The following ARC variants were observed in gnomAD, a reference collection of about 807,000 sequenced individuals.
ARC encodes the protein activity regulated cytoskeleton associated protein.
A neutral mutation model predicts 20.0 loss-of-function variants in ARC; 10 were observed. The observed-to-expected ratio is 0.50, with a 90% confidence interval of 0.31 to 0.85. ARC has a LOEUF of 0.85. Among genes scored for constraint, ARC ranks in the 40% least tolerant of loss-of-function variants. The pLI, the probability that ARC is intolerant of heterozygous loss-of-function variation, is 0.05. For missense variants in ARC, 454 were observed against 555.5 expected (o/e 0.82, Z 1.84); for synonymous variants, 269 against 254.1 (o/e 1.06, Z -0.56).
intron 1 of ARC, 84 bp from the exon 2 acceptor site, chr8:142,612,336 C>A (rs959703618): frequency 2.6e-5 from 4 of 152,260 alleles, no homozygotes; most frequent in South Asian, 2.1e-4. Context: ...CTCCCCAATG[C>A]CCCCTTCCAT....
In ARC at chr8:142,614,410, G is replaced by C; in HGVS notation, c.-139C>G. On this transcript the variant is annotated 5_prime_UTR_variant, in exon 1 of 3. Transcript: ENST00000356613. The stretch of plus-strand genomic sequence containing the variant: ...TCGCTGCGGGCCGGCGGCGGGGCCG[G>C]CGGAGCACGCCCGGGGAGGCAGGTC... 2 of 724,034 alleles carry C rather than the reference G, an allele frequency of 2.8e-6. No homozygotes were observed. The highest frequency in any genetic ancestry group is 3.8e-6 in the Non-Finnish European group (2 of 524,844). The allele number at this position is 724,034 out of a possible 1,614,324, so 44.9% of individuals were successfully genotyped here.
At position 142,613,871 on chromosome 8, in the gene ARC, C is replaced by T; in HGVS notation, c.401G>A (p.Gly134Asp). The change falls in exon 1 of 3, where the codon GGC becomes GAC. Residue 134 changes from glycine (G) to aspartate (D), a missense_variant. Transcript: ENST00000356613. ...CTCGCTGCCCACCGGGTACTTGCCG[C>T]CCGTGGACTCCAGGCGGTCGGCCCA... is the stretch of plus-strand genomic sequence containing the variant. ...ERWADRLEST[G>D]GKYPVGSESA... 6.4e-7 allele frequency: 1 copy of T among 1,558,224 alleles called. No homozygotes were observed. Among genetic ancestry groups the T allele is most frequent in the Non-Finnish European group, 8.6e-7 (1 of 1,157,380 alleles).
In ARC at chr8:142,613,557, G is replaced by A. The variant is rs770890443; in HGVS notation, c.715C>T (p.Leu239=). 3 of 1,608,494 alleles carry A rather than the reference G, an allele frequency of 1.9e-6. No homozygotes were observed. In the South Asian group the frequency reaches 3.3e-5, roughly 18 times the overall value. Reference sequence around the variant, plus strand: ...TTCATGTGATTCTGGATCTGGGACAGCCAGTACTCCTCAGAGCCGCCCACC... The same window carrying A: ...TTCATGTGATTCTGGATCTGGGACAACCAGTACTCCTCAGAGCCGCCCACC... ...RQVGGSEEYW[L]SQIQNHMNGP... The change falls in exon 1 of 3, where the codon CTG becomes TTG. Residue 239 remains leucine (L), a synonymous_variant. Coordinates refer to ENST00000356613, the MANE Select transcript of ARC (RefSeq NM_015193.5).
Position 142,614,026 on chromosome 8 carries a change from G to A in ARC, c.246C>T (p.Ser82=). 6.2e-7 allele frequency: 1 copy of A among 1,608,306 alleles called. No individual in the cohort carries two copies. Among genetic ancestry groups the A allele is most frequent in the Non-Finnish European group, 8.5e-7 (1 of 1,178,960 alleles). The change falls in exon 1 of 3, where the codon AGC becomes AGT. Residue 82 remains serine, a synonymous_variant. Coordinates refer to ENST00000356613, the MANE Select transcript of ARC (RefSeq NM_015193.5). ...ESNLDGYVPT[S]DSQRWKKSIK... ...TGGACTTCTTCCAGCGCTGCGAGTC[G>A]CTCGTGGGCACGTAGCCGTCCAGGT...
rs1177372788 is a variant in ARC at position 142,614,148 on chromosome 8, C to T, written c.124G>A (p.Val42Met). The change falls in exon 1 of 3, where the codon GTG becomes ATG. Residue 42 changes from valine to methionine, a missense_variant. By Grantham distance (21) the Val-to-Met change is conservative. This residue lies in a region of ARC where 265 missense variants were observed against 301.7 expected (regional missense o/e 0.88). Coordinates refer to ENST00000356613, the MANE Select transcript of ARC (RefSeq NM_015193.5). ...AGCAGGTGCCGGTGCGTCCGCCGCA[C>T]GTGCTCCAGCATCTCGGCCCGGCAC... is the stretch of plus-strand genomic sequence containing the variant. ...GKCRAEMLEH[V>M]RRTHRHLLAE... The T allele has an allele frequency of 1.9e-6, 3 of 1,583,010 alleles. No individual in the cohort carries two copies. The highest frequency in any genetic ancestry group is 2.3e-5 in the East Asian group (1 of 43,966).
rs758344486 is a variant in ARC, at chr8:142,614,245, G to T, written c.27C>A (p.Gly9=). The T allele has an allele frequency of 2.0e-6, 3 of 1,484,166 alleles. No individual in the cohort carries two copies. Among genetic ancestry groups the T allele is most frequent in the Admixed American group, 4.6e-5 (2 of 43,642 alleles). The allele number at this position is 1,484,166 out of a possible 1,614,324, so 91.9% of individuals were successfully genotyped here. MELDHRTS[G]GLHAYPGPRG... is the part of the protein sequence containing the mutation. ...GCGGCCCGGGGTAGGCGTGGAGCCC[G>T]CCGCTGGTCCGGTGGTCCAGCTCCA... Residue 9 remains glycine (G), a synonymous_variant, in exon 1 of 3, where the codon GGC becomes GGA. Coordinates refer to ENST00000356613, the MANE Select transcript of ARC (RefSeq NM_015193.5).
Position 142,613,492 on chromosome 8 carries a change from G to T in ARC, c.780C>A (p.Ser260=). 6.2e-7 allele frequency: 1 copy of T among 1,613,124 alleles called. No homozygotes were observed. Among genetic ancestry groups the T allele is most frequent in the Non-Finnish European group, 8.5e-7 (1 of 1,179,854 alleles). Residue 260 remains serine, a synonymous_variant, in exon 1 of 3, where the codon TCC becomes TCA. Coordinates refer to ENST00000356613, the MANE Select transcript of ARC (RefSeq NM_015193.5). ...TCTTGAACTCCACCCAGTTCTTCAC[G>T]GAGCCCTGCTTGAACTCCCACCACT... is the stretch of plus-strand genomic sequence containing the variant. ...AKKWWEFKQG[S]VKNWVEFKKE... is the part of the protein sequence containing the mutation.
chr8:142,614,289 G>A lies in ARC; in HGVS notation c.-18C>T, dbSNP rs878902187. The A allele has an allele frequency of 5.0e-6, 7 of 1,393,766 alleles. No homozygotes were observed. The South Asian group carries it at 8.6e-5, about 17-fold the overall frequency. 86.3% of individuals were successfully genotyped at this position (1,393,766 alleles called of 1,614,324 possible). ...AGCTCCATCTGTGCGCAGGTGCTCC[G>A]GCAGGCGGCAAACTCCTCGGGGCGG... On this transcript the variant is annotated 5_prime_UTR_variant, in exon 1 of 3. Transcript: ENST00000356613.
In ARC at chr8:142,613,972, C is replaced by T. The variant is rs1289624901; in HGVS notation, c.300G>A (p.Glu100=). The part of the protein sequence containing the change: ...SIKACLCRCQ[E]TIANLERWVK... ...CCCAGCGCTCCAGGTTGGCGATGGT[C>T]TCCTGGCAGCGGCACAGGCAGGCCT... Residue 100 remains glutamate (E), a synonymous_variant, in exon 1 of 3, where the codon GAG becomes GAA. Transcript: ENST00000356613. 1.2e-6 allele frequency: 2 copies of T among 1,608,818 alleles called. No individual in the cohort carries two copies. Among genetic ancestry groups the T allele is most frequent in the Non-Finnish European group, 1.7e-6 (2 of 1,179,424 alleles).
At position 142,613,431 on chromosome 8, in the gene ARC, G is replaced by A; in HGVS notation, c.841C>T (p.Arg281Ter). The change falls in exon 1 of 3, where the codon CGA becomes TGA. Residue 281 changes from arginine (R) to a stop codon, truncating the protein, a stop_gained. Transcript: ENST00000356613. LOFTEE classifies it low-confidence loss of function (END_TRUNC). ...FLQYSEGTLS[R>*]EAIQRELDLP... is the part of the protein sequence containing the mutation. Reference sequence around the variant, plus strand: ...TCCAGCTCGCGCTGGATGGCCTCTCGGGACAGCGTGCCCTCGCTGTACTGC... The same window carrying A: ...TCCAGCTCGCGCTGGATGGCCTCTCAGGACAGCGTGCCCTCGCTGTACTGC... The A allele has an allele frequency of 6.2e-7, 1 of 1,612,446 alleles. No homozygotes were observed. Among genetic ancestry groups the A allele is most frequent in the Non-Finnish European group, 8.5e-7 (1 of 1,179,772 alleles).
At position 142,613,204 on chromosome 8, in the gene ARC, C is replaced by T. The variant is rs1846272523; in HGVS notation, c.1068G>A (p.Gln356=). Residue 356 remains glutamine, a synonymous_variant, in exon 1 of 3, where the codon CAG becomes CAA. Coordinates refer to ENST00000356613, the MANE Select transcript of ARC (RefSeq NM_015193.5). ...GCTCGGCCGCCTGCTCCAGGTCATC[C>T]TGCACCTCCATGCCCCTCTGGATGA... ...EQLIQRGMEV[Q]DDLEQAAEPA... 6.2e-7 allele frequency: 1 copy of T among 1,612,484 alleles called. No homozygotes were observed. The highest frequency in any genetic ancestry group is 1.3e-5 in the African/African-American group (1 of 74,910).
rs10097505 is a variant in ARC, at chr8:142,612,823, G to A, written c.*258C>T. The A allele has an allele frequency of 0.46, 224,286 of 484,636 alleles. 53,758 individuals carry two copies. The highest frequency in any genetic ancestry group is 0.5 in the Non-Finnish European group (136,626 of 272,446). The allele number at this position is 484,636 out of a possible 1,614,324, so 30.0% of individuals were successfully genotyped here. On this transcript the variant is annotated 3_prime_UTR_variant, in exon 1 of 3. Transcript: ENST00000356613. ...GGGTGTTCTGTGATGGCCTGAGAGT[G>A]TGGAGGGTGGGGTCCAGGCCGGAAA...
Position 142,613,306 on chromosome 8 carries a change from G to T in ARC, c.966C>A (p.Ile322=). Residue 322 remains isoleucine, a synonymous_variant, in exon 1 of 3, where the codon ATC becomes ATA. Coordinates refer to ENST00000356613, the MANE Select transcript of ARC (RefSeq NM_015193.5). The stretch of plus-strand genomic sequence containing the variant: ...GCTGCAGGGTGCCCACCACGTACTG[G>T]ATGATCTCCTCCTCGTCCGCGTCCA... ...LYVDADEEEI[I]QYVVGTLQPK... is the part of the protein sequence containing the mutation. 1 of 1,613,692 alleles carries T rather than the reference G, an allele frequency of 6.2e-7. No homozygotes were observed. The highest frequency in any genetic ancestry group is 1.1e-5 in the South Asian group (1 of 91,090).
In ARC at chr8:142,614,409, G is replaced by A. The variant is rs1413705218; in HGVS notation, c.-138C>T. ...GTCGCTGCGGGCCGGCGGCGGGGCC[G>A]GCGGAGCACGCCCGGGGAGGCAGGT... On this transcript the variant is annotated 5_prime_UTR_variant, in exon 1 of 3. Coordinates refer to ENST00000356613, the MANE Select transcript of ARC (RefSeq NM_015193.5). The A allele has an allele frequency of 1.1e-5, 8 of 720,534 alleles. No individual in the cohort carries two copies. Among genetic ancestry groups the A allele is most frequent in the African/African-American group, 1.8e-5 (1 of 54,128 alleles). 44.6% of individuals were successfully genotyped at this position (720,534 alleles called of 1,614,324 possible). A position where few individuals can be genotyped will look rare whatever the true frequency, so the allele number is the denominator to read the frequency against.
chr8:142,612,042 G>A (rs1392484565), intron 2 of ARC, 66 bp downstream of exon 2: 2 of 153,092 alleles, frequency 1.3e-5, no homozygotes, highest in African/African-American at 4.8e-5. Context: ...CTGGGGTCTG[G>A]GGAGGAGCTC....
rs587711195 is a variant in ARC at position 142,613,327 on chromosome 8, G to C, written c.945C>G (p.Asp315Glu). The C allele has an allele frequency of 6.2e-7, 1 of 1,613,626 alleles. No homozygotes were observed. Among genetic ancestry groups the C allele is most frequent in the Non-Finnish European group, 8.5e-7 (1 of 1,179,994 alleles). Residue 315 changes from aspartate to glutamate, a missense_variant, in exon 1 of 3, where the codon GAC becomes GAG. Around this residue, in one of 3 missense-constraint regions of ARC, gnomAD observed 117 missense variants for 194.4 expected, o/e 0.60. Coordinates refer to ENST00000356613, the MANE Select transcript of ARC (RefSeq NM_015193.5). The stretch of plus-strand genomic sequence containing the variant: ...ACTGGATGATCTCCTCCTCGTCCGC[G>C]TCCACGTAGAGCGTCTGGTACAGGT... ...KRDLYQTLYVDADEEEIIQYV... is the reference protein window; with the variant it reads ...KRDLYQTLYVEADEEEIIQYV...
At position 142,614,142 on chromosome 8, in the gene ARC, G is replaced by T. The variant is rs1181187493; in HGVS notation, c.130C>A (p.Arg44=). Residue 44 remains arginine, a synonymous_variant, in exon 1 of 3, where the codon CGG becomes AGG. Transcript: ENST00000356613. ...CRAEMLEHVR[R]THRHLLAEVS... ...TCGGCCAGCAGGTGCCGGTGCGTCC[G>T]CCGCACGTGCTCCAGCATCTCGGCC... 1 of 1,584,078 alleles carries T rather than the reference G, an allele frequency of 6.3e-7. No individual in the cohort carries two copies. The highest frequency in any genetic ancestry group is 8.6e-7 in the Non-Finnish European group (1 of 1,166,828).
At position 142,614,051 on chromosome 8, in the gene ARC, T is replaced by A; in HGVS notation, c.221A>T (p.Asn74Ile). 1 of 1,605,482 alleles carries A rather than the reference T, an allele frequency of 6.2e-7. No individual in the cohort carries two copies. Among genetic ancestry groups the A allele is most frequent in the Non-Finnish European group, 8.5e-7 (1 of 1,176,466 alleles). The change falls in exon 1 of 3, where the codon AAC (asparagine) becomes ATC (isoleucine). Residue 74 changes from asparagine to isoleucine, a missense_variant. Physicochemically the swap from Asn to Ile is moderately radical, Grantham distance 149. Around this residue, in one of 3 missense-constraint regions of ARC, gnomAD observed 265 missense variants for 301.7 expected, o/e 0.88. Coordinates refer to ENST00000356613, the MANE Select transcript of ARC (RefSeq NM_015193.5). ...LHRSVGKLES[N>I]LDGYVPTSDS... ...GCTCGTGGGCACGTAGCCGTCCAGG[T>A]TGCTCTCCAGCTTCCCGACCGACCG...
In ARC at chr8:142,611,446, G is replaced by T. The variant is rs766450842; in HGVS notation, c.*1154C>A. 6.6e-5 allele frequency: 10 copies of T among 152,280 alleles called. No individual in the cohort carries two copies. The highest frequency in any genetic ancestry group is 2.2e-4 in the African/African-American group (9 of 41,454). 9.4% of individuals were successfully genotyped at this position (152,280 alleles called of 1,614,324 possible). ...GGGGCAGGGCAGAATGCCTGGAAGC[G>T]CCCCAGGAGCCATGGCTTCTGGGAT... On this transcript the variant is annotated 3_prime_UTR_variant, in exon 3 of 3. Transcript: ENST00000356613.
Sources: allele counts gnomAD v4.1 joint callset, GRCh38; gene constraint gnomAD v4.1.1; regional missense constraint gnomAD v4.1.1; transcripts MANE v1.5; gene names NCBI Gene and HGNC (gene_info 2026-07-23, HGNC 2026-07-21).